Variants in PATJ observed in about 807,000 individuals in gnomAD.
PATJ encodes PATJ crumbs cell polarity complex component.
A neutral mutation model predicts 224.9 loss-of-function variants in PATJ; 190 were observed. The observed-to-expected ratio is 0.84, with a 90% CI of 0.75 to 0.95. The LOEUF is 0.95. PATJ is among the 40% of genes least tolerant of loss of function. The pLI, the probability that PATJ is intolerant of heterozygous loss-of-function variation, is 0.00. For missense variants in PATJ, 2,121 were observed against 2,270.3 expected (o/e 0.93, Z 1.34); for synonymous variants, 769 against 820.3 (o/e 0.94, Z 1.07).
chr1:61,917,120 G>A (rs1202443504), intron 26 of PATJ, among the ~76,000 whole-genome samples: 2 of 152,196 alleles, frequency 1.3e-5, no homozygotes, highest in East Asian at 1.9e-4. Context: ...TGTTGGTTTT[G>A]CAAAGATGGT....
chr1:61,785,016 G>A (rs943219667), intron 7 of PATJ, among the ~76,000 whole-genome samples: 3 of 151,724 alleles, frequency 2.0e-5, no homozygotes, highest in South Asian at 2.1e-4. Context: ...AGCTTTGTAC[G>A]TATTATTTCA....
In PATJ at chr1:62,125,248, A is replaced by C. The variant is rs1194259989; in HGVS notation, c.5043+2190A>C. Reference sequence around the variant, plus strand: ...TAAAACCCTGTCTCAAAAAAAAAAAAAAAAACAAAAAAAAACAAAAAAAAA... The same window carrying C: ...TAAAACCCTGTCTCAAAAAAAAAAACAAAAACAAAAAAAAACAAAAAAAAA... On this transcript the variant is annotated intron_variant, in intron 39 of 43. Transcript: ENST00000642238. 8.6e-4 allele frequency among the ~76,000 whole-genome samples: 88 copies of C among 102,736 alleles called. 1 individual carries two copies. In the South Asian group the frequency reaches 0.012, roughly 13 times the overall value. 67.4% of individuals were successfully genotyped at this position (102,736 alleles called of 152,430 possible).
At chr1:61,794,661 TTTGTTGTTG>T (rs551832327) in intron 9 of PATJ, among the ~76,000 whole-genome samples, 1 of 151,926 alleles carries the variant, frequency 6.6e-6, no homozygotes, top group Admixed American at 6.6e-5. Context: ...CTCATACTAA[TTTGTTGTTG>T]TTGTTGTTGT....
intron 16 of PATJ, among the ~76,000 whole-genome samples, chr1:61,828,518 T>C (rs1297719246): frequency 6.6e-6 from 1 of 151,514 alleles, no homozygotes. Flanking sequence ...GCCTCCCAAG[T>C]AGCTGGGACC....
intron 38 of PATJ, among the ~76,000 whole-genome samples, chr1:62,122,086 C>T (rs770045411): frequency 2.0e-5 from 3 of 151,978 alleles, no homozygotes; most frequent in Admixed American, 6.6e-5. Context: ...ATGACTCAGC[C>T]GGGCCCGGTG....
intron 7 of PATJ, among the ~76,000 whole-genome samples, chr1:61,776,165 G>C (rs188412514): frequency 6.6e-6 from 1 of 152,342 alleles, no homozygotes; most frequent in Non-Finnish European, 1.5e-5. Flanking sequence ...TGGAGCCACT[G>C]ATGTTCCTAT....
chr1:61,885,060 G>A (rs1668626917), intron 22 of PATJ, among the ~76,000 whole-genome samples: 1 of 152,192 alleles, frequency 6.6e-6, no homozygotes. Flanking sequence ...TCATCAACAC[G>A]AAGCTTAAAC....
intron 27 of PATJ, among the ~76,000 whole-genome samples, chr1:61,967,642 G>A (rs1006898236): frequency 1.3e-5 from 2 of 152,158 alleles, no homozygotes; most frequent in Non-Finnish European, 2.9e-5. Context: ...TTTTAGAAAG[G>A]ACTGTTGCAG....
intron 14 of PATJ, among the ~76,000 whole-genome samples, chr1:61,810,364 C>T (rs537024218): frequency 6.6e-6 from 1 of 152,040 alleles, no homozygotes; most frequent in Non-Finnish European, 1.5e-5. Flanking sequence ...AATGCCATCT[C>T]AATATATTGA....
At chr1:61,764,666 C>A (rs1646159875) in intron 3 of PATJ, among the ~76,000 whole-genome samples, 1 of 152,190 alleles carries the variant, frequency 6.6e-6, no homozygotes, top group Non-Finnish European at 1.5e-5. Flanking sequence ...TGCTGATAAA[C>A]TAAAATGCTT....
At chr1:61,777,005 G>A (rs747811450) in intron 7 of PATJ, among the ~76,000 whole-genome samples, 15 of 152,184 alleles carry the variant, frequency 9.9e-5, no homozygotes, top group South Asian at 2.1e-4. Flanking sequence ...GATTACAGGC[G>A]TGAGCCACCG....
chr1:61,814,547 T>TGTGTGTGCGCGCGCGC (rs370488022), intron 14 of PATJ, among the ~76,000 whole-genome samples: 7 of 142,568 alleles, frequency 4.9e-5, no homozygotes, highest in African/African-American at 1.9e-4. Context: ...TGTGTGTGTG[T>TGTGTGTGCGCGCGCGC]GCGCGCGCGC....
At chr1:61,752,743 G>A (rs1645406643) in intron 1 of PATJ, among the ~76,000 whole-genome samples, 1 of 152,140 alleles carries the variant, frequency 6.6e-6, no homozygotes, top group Non-Finnish European at 1.5e-5. Flanking sequence ...TTTCCTGAAT[G>A]TTCACTGTCA....
intron 14 of PATJ, among the ~76,000 whole-genome samples, chr1:61,810,151 G>C (rs995327536): frequency 6.6e-6 from 1 of 151,912 alleles, no homozygotes; most frequent in South Asian, 2.1e-4. Context: ...CGCCTGGCCA[G>C]GTTTGAATTT....
At chr1:62,152,934 T>A (rs890476042) in intron 42 of PATJ, among the ~76,000 whole-genome samples, 1 of 151,632 alleles carries the variant, frequency 6.6e-6, no homozygotes, top group Admixed American at 6.6e-5. Flanking sequence ...AGGTCAGGAG[T>A]TCGAGATCAG....
chr1:62,114,132 T>G lies in PATJ; in HGVS notation c.4541T>G (p.Leu1514Arg), dbSNP rs1192475062. The G allele has an allele frequency of 7.4e-6, 12 of 1,613,878 alleles. No individual in the cohort carries two copies. Among genetic ancestry groups the G allele is most frequent in the African/African-American group, 1.3e-5 (1 of 74,886 alleles). Residue 1514 changes from leucine to arginine, a missense_variant, in exon 35 of 44, where the codon CTG (leucine) becomes CGG (arginine). By Grantham distance (102) the Leu-to-Arg change is moderately radical. Transcript: ENST00000642238. ...ALRQTPQKVR[L>R]VVYRDEAHYR... ...AGGCAGACCCCCCAGAAGGTGCGGC[T>G]GGTGGTGTATAGAGATGAGGCACAC...
chr1:62,011,811 A>G (rs551107013), intron 28 of PATJ, among the ~76,000 whole-genome samples: 1 of 152,200 alleles, frequency 6.6e-6, no homozygotes, highest in African/African-American at 2.4e-5. Flanking sequence ...ATTTGTTTGC[A>G]TGAAGAGAAA....
At position 61,791,317 on chromosome 1, in the gene PATJ, A is replaced by G. The variant is rs758635593; in HGVS notation, c.1069-31A>G. The G allele has an allele frequency of 1.4e-5, 18 of 1,270,778 alleles. No individual in the cohort carries two copies. In the East Asian group the frequency reaches 3.7e-4, roughly 26 times the overall value. The allele number at this position is 1,270,778 out of a possible 1,614,324, so 78.7% of individuals were successfully genotyped here. On this transcript the variant is annotated intron_variant, in intron 8 of 43. Coordinates refer to ENST00000642238, the MANE Select transcript of PATJ (RefSeq NM_001350145.3). ...TGTACACACAGGTATGCCACTAAGC[A>G]TATATAATTAAATTTGTTTTTTCCT...
chr1:61,797,451 A>G, intron 11 of PATJ, 23 bp downstream of exon 11: 1 of 1,596,508 alleles, frequency 6.3e-7, no homozygotes, highest in Non-Finnish European at 8.6e-7. Context: ...CCACCCCTCT[A>G]TCCCTCAAGT....
Sources: allele counts gnomAD v4.1 joint callset (sites outside exome capture counted in the v4.1 genomes callset), GRCh38; gene constraint gnomAD v4.1.1; transcripts MANE v1.5; gene names NCBI Gene and HGNC (gene_info 2026-07-23, HGNC 2026-07-21).